FGFRL1: variants seen among roughly 807,000 people sequenced by gnomAD.
FGFRL1 encodes the protein fibroblast growth factor receptor like 1.
FGFRL1 carries 24 observed loss-of-function variants against 36.8 expected under a neutral mutation model. The ratio of observed to expected loss-of-function variants is 0.65; its 90% CI spans 0.47 to 0.92. The LOEUF (loss-of-function observed/expected upper bound fraction) is 0.92. FGFRL1 is among the 40% of genes least tolerant of loss of function. FGFRL1 has a pLI of 0.00. For missense variants in FGFRL1, 785 were observed against 753.4 expected (o/e 1.04, Z -0.49); for synonymous variants, 422 against 344.1 (o/e 1.23, Z -2.50).
chr4:1,026,081 A>G lies in FGFRL1; in HGVS notation c.*734A>G, dbSNP rs931345150. ...ATATGCTGTCCGGACACACACACGC[A>G]CGCAGATATGCTGCCTGGACACACA... On this transcript the variant is annotated 3_prime_UTR_variant, in exon 7 of 7. Transcript: ENST00000510644. 7 of 121,150 alleles carry G rather than the reference A, an allele frequency of 5.8e-5. No individual in the cohort carries two copies. Among genetic ancestry groups the G allele is most frequent in the African/African-American group, 1.9e-4 (7 of 36,086 alleles). The allele number at this position is 121,150 out of a possible 1,614,324, so 7.5% of individuals were successfully genotyped here. A position where few individuals can be genotyped will look rare whatever the true frequency, so the allele number is the denominator to read the frequency against.
intron 2 of FGFRL1, among the ~76,000 whole-genome samples, chr4:1,018,512 T>G (rs111632154): frequency 6.6e-6 from 1 of 152,134 alleles, no homozygotes; most frequent in Non-Finnish European, 1.5e-5. Flanking sequence ...CTGCCTGTGC[T>G]GGGGGCCTCT....
rs1317243798 is a variant in FGFRL1 at position 1,023,383 on chromosome 4, A to AC, written c.353-252dup. 1.3e-5 allele frequency among the ~76,000 whole-genome samples: 2 copies of AC among 151,116 alleles called. No homozygotes were observed. The highest frequency in any genetic ancestry group is 3.0e-5 in the Non-Finnish European group (2 of 67,694). ...CTCCCTCCTCCCCCGGGGCCTGCAG[A>AC]CCCCCCGGAGCCAGAATGGGGGCCG... On this transcript the variant is annotated intron_variant, in intron 3 of 6. Coordinates refer to ENST00000510644, the MANE Select transcript of FGFRL1 (RefSeq NM_001004356.3). This position sits in a 1 kb window ranked among gnomAD's most constrained non-coding sequence, Gnocchi z 6.0.
chr4:1,024,828 T>C, intron 6 of FGFRL1, 77 bp from the exon 7 acceptor site: 2 of 1,457,150 alleles, frequency 1.4e-6, no homozygotes, highest in Non-Finnish European at 1.8e-6. Flanking sequence ...CCACAGCCCC[T>C]GGGATGGGTC....
rs1177854370 is a variant in FGFRL1 at position 1,025,100 on chromosome 4, C to T, written c.1268C>T (p.Ala423Val). ...CCTGGGCACCGCCCGCCGGGGACGG[C>T]CCGCGACCGCAGCGGAGACAAGGAC... ...PLPGHRPPGTARDRSGDKDLP... is the reference protein window; with the variant it reads ...PLPGHRPPGTVRDRSGDKDLP... The change falls in exon 7 of 7, where the codon GCC (alanine) becomes GTC (valine). Residue 423 changes from alanine to valine, a missense_variant. By Grantham distance (64) the Ala-to-Val change is moderately conservative. Coordinates refer to ENST00000510644, the MANE Select transcript of FGFRL1 (RefSeq NM_001004356.3). 6.2e-7 allele frequency: 1 copy of T among 1,610,828 alleles called. No homozygotes were observed. Among genetic ancestry groups the T allele is most frequent in the Non-Finnish European group, 8.5e-7 (1 of 1,179,018 alleles).
At position 1,025,335 on chromosome 4, in the gene FGFRL1, C is replaced by T; in HGVS notation, c.1503C>T (p.His501=). 1 of 1,553,118 alleles carries T rather than the reference C, an allele frequency of 6.4e-7. No individual in the cohort carries two copies. Among genetic ancestry groups the T allele is most frequent in the Non-Finnish European group, 8.7e-7 (1 of 1,148,080 alleles). Residue 501 remains histidine, a synonymous_variant, in exon 7 of 7, where the codon CAC becomes CAT. Transcript: ENST00000510644. ...AGGGCAAGGTCCACCAGCACATCCA[C>T]TATCAGTGCTAGACGGCACCGTATC... ...HVEGKVHQHI[H]YQC is the part of the protein sequence containing the mutation.
chr4:1,023,873 G>A lies in FGFRL1; in HGVS notation c.490G>A (p.Val164Met), dbSNP rs779904701. 16 of 1,580,866 alleles carry A rather than the reference G, an allele frequency of 1.0e-5. No individual in the cohort carries two copies. The highest frequency in any genetic ancestry group is 2.3e-5 in the East Asian group (1 of 42,912). ...GAGGCGCCGGGTGATCGCACGGCCC[G>A]TGGGTAGCTCCGTGCGGCTCAAGTG... ...KMRRRVIARP[V>M]GSSVRLKCVA... The change falls in exon 5 of 7, where the codon GTG (valine) becomes ATG (methionine). Residue 164 changes from valine (V) to methionine (M), a missense_variant. Val to Met is a conservative substitution (Grantham distance 21, BLOSUM62 1). Coordinates refer to ENST00000510644, the MANE Select transcript of FGFRL1 (RefSeq NM_001004356.3). The surrounding 1 kb of genome is among the most constrained non-coding windows in gnomAD (Gnocchi z 6.0).
upstream of FGFRL1, among the ~76,000 whole-genome samples, chr4:1,010,357 C>T (rs1419008898): frequency 6.6e-6 from 1 of 152,252 alleles, no homozygotes; most frequent in Non-Finnish European, 1.5e-5. Context: ...CCCACGCTGG[C>T]CCAGACGCGG....
chr4:1,012,707 C>T lies in FGFRL1; in HGVS notation c.79+143C>T, dbSNP rs1046198283. The T allele has an allele frequency of 3.1e-5, 13 of 419,038 alleles. No individual in the cohort carries two copies. The East Asian group carries it at 4.4e-4, about 14-fold the overall frequency. The allele number at this position is 419,038 out of a possible 1,614,324, so 26.0% of individuals were successfully genotyped here. On this transcript the variant is annotated intron_variant, in intron 2 of 6. Coordinates refer to ENST00000510644, the MANE Select transcript of FGFRL1 (RefSeq NM_001004356.3). ...CCCCGCTCGCCAGGCCCCCTTCCTT[C>T]CAGGGCCCCCTCACCCATGGGCTGT...
intron 1 of FGFRL1, 143 bp from the exon 2 acceptor site, chr4:1,012,327 C>CGCT: frequency 2.4e-6 from 2 of 845,544 alleles, no homozygotes; most frequent in Non-Finnish European, 3.5e-6. Flanking sequence ...AGCTTCTCCC[C>CGCT]GCTGCGGCTT....
chr4:1,021,592 T>C (rs945105660), intron 2 of FGFRL1, among the ~76,000 whole-genome samples: 2 of 152,164 alleles, frequency 1.3e-5, no homozygotes, highest in African/African-American at 4.8e-5. Flanking sequence ...GCACAGACTC[T>C]CATCCACACA....
intron 2 of FGFRL1, among the ~76,000 whole-genome samples, chr4:1,014,679 C>T (rs958831822): frequency 6.6e-6 from 1 of 152,236 alleles, no homozygotes; most frequent in Non-Finnish European, 1.5e-5. Flanking sequence ...GACCTCGGCC[C>T]CCAGCCAGGC....
rs147980100 is a variant in FGFRL1, at chr4:1,024,572, G to A, written c.980G>A (p.Arg327His). 287 of 1,612,420 alleles carry A rather than the reference G, an allele frequency of 1.8e-4. No individual in the cohort carries two copies. The highest frequency in any genetic ancestry group is 5.2e-4 in the African/African-American group (39 of 75,000). The part of the protein sequence containing the change: ...GSYLNKLLIT[R>H]ARQDDAGMYI... ...TACCTCAATAAGCTGCTCATCACCC[G>A]TGCCCGCCAGGACGATGCGGGCATG... The change falls in exon 6 of 7, where the codon CGT (arginine) becomes CAT (histidine). Residue 327 changes from arginine (R) to histidine (H), a missense_variant. Transcript: ENST00000510644.
intron 3 of FGFRL1, among the ~76,000 whole-genome samples, chr4:1,022,718 G>T (rs1376784702): frequency 6.6e-6 from 1 of 152,262 alleles, no homozygotes; most frequent in Non-Finnish European, 1.5e-5. Context: ...GAGGGCGGAG[G>T]GTGGAGGGCG....
intron 1 of FGFRL1, 32 bp from the exon 2 acceptor site, chr4:1,012,438 C>A (rs1017589938): frequency 3.2e-6 from 5 of 1,572,906 alleles, no homozygotes; most frequent in Non-Finnish European, 4.3e-6. Flanking sequence ...CCCAGTTCCA[C>A]GTGTTAGTGA....
rs758696948 is a variant in FGFRL1, at chr4:1,023,646, A to G, written c.358A>G (p.Ile120Val). ...GCACCTCCGTCTCTCTGCAGATGAC[A>G]TTAGCCCAGGGAAGGAGAGCCTGGG... ...VNYTLVVLDD[I>V]SPGKESLGPD... Residue 120 changes from isoleucine (I) to valine (V), a missense_variant, in exon 4 of 7, where the codon ATT becomes GTT. Physicochemically the swap from Ile to Val is conservative, Grantham distance 29. Coordinates refer to ENST00000510644, the MANE Select transcript of FGFRL1 (RefSeq NM_001004356.3). The surrounding 1 kb of genome is among the most constrained non-coding windows in gnomAD (Gnocchi z 6.0). 4.4e-6 allele frequency: 7 copies of G among 1,601,000 alleles called. No individual in the cohort carries two copies. In the African/African-American group the frequency reaches 6.7e-5, roughly 15 times the overall value.
intron 2 of FGFRL1, among the ~76,000 whole-genome samples, chr4:1,019,295 G>C (rs191793764): frequency 6.6e-6 from 1 of 152,346 alleles, no homozygotes; most frequent in Admixed American, 6.5e-5. Context: ...CCAGGCACTC[G>C]CTCTCTTGCT....
At chr4:1,012,710 G>C (rs1577554182) in intron 2 of FGFRL1, 146 bp downstream of exon 2, 5 of 418,730 alleles carry the variant, frequency 1.2e-5, no homozygotes, top group Middle Eastern at 6.1e-4. Context: ...CTTCCTTCCA[G>C]GGCCCCCTCA....
In FGFRL1 at chr4:1,012,522, C is replaced by G; in HGVS notation, c.37C>G (p.Pro13Ala). ...PSPLLLLLLP[P>A]LLLGAFPPAA... ...CCCCCTGTTGCTGCTCCTGCTGCCG[C>G]CGCTGCTGCTGGGGGCCTTCCCGCC... The change falls in exon 2 of 7, where the codon CCG (proline) becomes GCG (alanine). Residue 13 changes from proline to alanine, a missense_variant. Pro to Ala is a conservative substitution (Grantham distance 27, BLOSUM62 -1). Coordinates refer to ENST00000510644, the MANE Select transcript of FGFRL1 (RefSeq NM_001004356.3). 1 of 1,548,216 alleles carries G rather than the reference C, an allele frequency of 6.5e-7. No individual in the cohort carries two copies. Among genetic ancestry groups the G allele is most frequent in the Non-Finnish European group, 8.7e-7 (1 of 1,152,730 alleles).
intron 5 of FGFRL1, 41 bp from the exon 6 acceptor site, chr4:1,024,270 G>A: frequency 6.5e-7 from 1 of 1,543,700 alleles, no homozygotes; most frequent in East Asian, 2.3e-5. Context: ...GTAGAGTCCG[G>A]CGCGGCCCAG....
Sources: gnomAD v4.1 joint callset for allele counts (sites outside exome capture counted in the v4.1 genomes callset) on GRCh38, gnomAD v4.1.1 for gene constraint, Gnocchi (gnomAD v3.1) non-coding constraint, MANE v1.5 for transcripts, NCBI Gene and HGNC (gene_info 2026-07-23, HGNC 2026-07-21) for gene names.